UBE2D2: variants seen among roughly 807,000 people sequenced by gnomAD.
UBE2D2 encodes ubiquitin conjugating enzyme E2 D2.
UBE2D2 carries 2 observed loss-of-function variants against 24.2 expected under a neutral mutation model. The ratio of observed to expected loss-of-function variants is 0.08; its 90% CI spans 0.03 to 0.26. The LOEUF is 0.26. UBE2D2 is among the 10% of genes least tolerant of loss of function. UBE2D2 has a pLI of 1.00. For synonymous variants in UBE2D2, 58 were observed against 56.5 expected, an observed-to-expected ratio of 1.03 and a Z score of -0.12; for missense variants, 44 against 177.6, an observed-to-expected ratio of 0.25 and a Z score of 4.28.
chr5:139,533,493 T>C (rs1752624525), intron 1 of UBE2D2, among the ~76,000 whole-genome samples: 1 of 151,480 alleles, frequency 6.6e-6, no homozygotes, highest in African/African-American at 2.4e-5. Flanking sequence ...CTACTAAAAA[T>C]ACAAAAATTA....
At chr5:139,610,809 G>A (rs554476372) in intron 2 of UBE2D2, among the ~76,000 whole-genome samples, 8 of 152,074 alleles carry the variant, frequency 5.3e-5, no homozygotes, top group South Asian at 2.1e-4. Flanking sequence ...CTGAGGTTGC[G>A]CCCTTTACTC....
At chr5:139,535,178 G>T (rs2126628791) in intron 1 of UBE2D2, among the ~76,000 whole-genome samples, 1 of 151,482 alleles carries the variant, frequency 6.6e-6, no homozygotes, top group East Asian at 2.0e-4. Flanking sequence ...AGGGTGTGGT[G>T]GCTCACGCCT....
chr5:139,554,558 G>A (rs1181044931), intron 1 of UBE2D2, among the ~76,000 whole-genome samples: 1 of 152,162 alleles, frequency 6.6e-6, no homozygotes, highest in Non-Finnish European at 1.5e-5. Flanking sequence ...GTCATAATGT[G>A]TTATTCCATC....
Position 139,561,636 on chromosome 5 carries a change from G to A in UBE2D2, c.-156G>A. ...CAGGCCCAGGAGCTGAGTGGGCCCC[G>A]GCCCTCAGCCCGTCCCGCCGGACCC... On this transcript the variant is annotated 5_prime_UTR_variant, in exon 1 of 7. Transcript: ENST00000398733. The A allele has an allele frequency of 1.9e-6, 1 of 522,658 alleles. No individual in the cohort carries two copies. Among genetic ancestry groups the A allele is most frequent in the Non-Finnish European group, 3.2e-6 (1 of 310,248 alleles). 32.4% of individuals were successfully genotyped at this position (522,658 alleles called of 1,614,324 possible). A position where few individuals can be genotyped will look rare whatever the true frequency, so the allele number is the denominator to read the frequency against.
intron 1 of UBE2D2, 134 bp downstream of exon 1, chr5:139,561,949 A>G (rs1581492283): frequency 6.4e-6 from 8 of 1,252,198 alleles, no homozygotes; most frequent in Non-Finnish European, 8.4e-6. Context: ...GGCGGCCTCC[A>G]TACCCCACTC....
intron 1 of UBE2D2, among the ~76,000 whole-genome samples, chr5:139,571,340 G>A (rs535389839): frequency 4.8e-4 from 73 of 151,458 alleles, no homozygotes; most frequent in Non-Finnish European, 9.1e-4. Context: ...CCAAGAGGCG[G>A]AGGTTGCAGT....
chr5:139,623,966 C>T (rs1447118663), intron 6 of UBE2D2, among the ~76,000 whole-genome samples: 2 of 152,160 alleles, frequency 1.3e-5, no homozygotes, highest in Non-Finnish European at 2.9e-5. Context: ...GCTGGGATTA[C>T]AGGTGTGAGC....
intron 1 of UBE2D2, among the ~76,000 whole-genome samples, chr5:139,581,383 A>G (rs1753599522): frequency 6.6e-6 from 1 of 151,812 alleles, no homozygotes. Flanking sequence ...CAAGAGGCGG[A>G]GGTTGCAGTG....
chr5:139,532,237 C>T (rs911593147), intron 1 of UBE2D2, among the ~76,000 whole-genome samples: 4 of 150,838 alleles, frequency 2.7e-5, no homozygotes, highest in African/African-American at 7.3e-5. Context: ...TACAGTGGCA[C>T]GATCTCGGCT....
chr5:139,559,696 C>T (rs139585224), upstream of UBE2D2, among the ~76,000 whole-genome samples: 1 of 152,236 alleles, frequency 6.6e-6, no homozygotes, highest in African/African-American at 2.4e-5. Flanking sequence ...AGTTGGGCTC[C>T]AGTTTTTTCT....
intron 1 of UBE2D2, among the ~76,000 whole-genome samples, chr5:139,549,254 G>GC (rs1752873482): frequency 1.3e-5 from 2 of 152,190 alleles, no homozygotes; most frequent in Non-Finnish European, 2.9e-5. Flanking sequence ...CGCTTGAGGA[G>GC]CCCTTCAGCC....
In UBE2D2 at chr5:139,579,774, G is replaced by A. The variant is rs191727524; in HGVS notation, c.24+17959G>A. On this transcript the variant is annotated intron_variant, in intron 1 of 6. Coordinates refer to ENST00000398733, the MANE Select transcript of UBE2D2 (RefSeq NM_003339.3). ...TTAAATAATCACATAGATGTTGGGC[G>A]CGGTGGCTCACATCTGTAATCCCAG... Among the ~76,000 whole-genome samples the A allele has an allele frequency of 4.5e-4, 69 of 152,080 alleles. 1 individual carries two copies. The highest frequency in any genetic ancestry group is 1.1e-3 in the African/African-American group (46 of 41,512).
At position 139,530,736 on chromosome 5, in the gene UBE2D2, G is replaced by A. The variant is rs186448066; in HGVS notation, c.-64+4124G>A. On this transcript the variant is annotated intron_variant, in intron 1 of 6. Coordinates refer to the UBE2D2 transcript ENST00000511725. ...ACACATAGATGATCAGGGGCAAGTA[G>A]TTGAGAATATAGTTAAAGATATAAC... 1.4e-4 allele frequency among the ~76,000 whole-genome samples: 22 copies of A among 152,310 alleles called. No homozygotes were observed. The East Asian group carries it at 2.5e-3, about 17-fold the overall frequency.
Position 139,567,090 on chromosome 5 carries a change from G to A in UBE2D2, c.24+5275G>A, listed in dbSNP as rs577801132. 6.6e-5 allele frequency among the ~76,000 whole-genome samples: 10 copies of A among 152,132 alleles called. No homozygotes were observed. The South Asian group carries it at 1.9e-3, about 28-fold the overall frequency. On this transcript the variant is annotated intron_variant, in intron 1 of 6. Transcript: ENST00000398733. ...AGTTTGAAAGTAATGCTTTATGTAA[G>A]ATTAAGTTTTCTTGTTTGTTTGTTT...
chr5:139,528,965 A>T (rs1157564364), intron 1 of UBE2D2, among the ~76,000 whole-genome samples: 1 of 152,190 alleles, frequency 6.6e-6, no homozygotes, highest in African/African-American at 2.4e-5. Flanking sequence ...TGACTTGTAC[A>T]CACATGGCCG....
chr5:139,609,825 G>T (rs1754275464), intron 2 of UBE2D2, among the ~76,000 whole-genome samples: 1 of 146,890 alleles, frequency 6.8e-6, no homozygotes. Flanking sequence ...AGGCTGGAGT[G>T]CAGTGGCACG....
intron 1 of UBE2D2, among the ~76,000 whole-genome samples, chr5:139,546,402 C>T (rs999180535): frequency 1.3e-5 from 2 of 152,126 alleles, no homozygotes; most frequent in Non-Finnish European, 2.9e-5. Context: ...CCAGGCTGGT[C>T]TTGAACTCCT....
rs1754228942 is a variant in UBE2D2, at chr5:139,607,761, C to G, written c.89-6825C>G. Among the ~76,000 whole-genome samples the G allele has an allele frequency of 3.9e-5, 6 of 152,142 alleles. No homozygotes were observed. In the South Asian group the frequency reaches 1.2e-3, roughly 31 times the overall value. ...GTGGCTCATGCCTGTAATCCCAGCA[C>G]TTTGGTAGGCCAATGCAGAAGGATC... is the stretch of plus-strand genomic sequence containing the variant. On this transcript the variant is annotated intron_variant, in intron 2 of 6. Transcript: ENST00000398733.
At chr5:139,548,165 A>AAAAAAAAAAAAAAT in intron 1 of UBE2D2, among the ~76,000 whole-genome samples, 4 of 72,576 alleles carry the variant, frequency 5.5e-5, no homozygotes, top group Non-Finnish European at 1.1e-4. Context: ...CTCCGTCTCA[A>AAAAAAAAAAAAAAT]AAAAAAAAAA....
Sources: gnomAD v4.1 joint callset for allele counts (sites outside exome capture counted in the v4.1 genomes callset) on GRCh38, gnomAD v4.1.1 for gene constraint, MANE v1.5 for transcripts, NCBI Gene and HGNC (gene_info 2026-07-23, HGNC 2026-07-21) for gene names.